Variants in ADAMTSL1 observed in about 807,000 individuals in gnomAD.
The protein encoded by ADAMTSL1 is ADAMTS like 1, also known as ADAMTS-like protein 1.
Under a neutral mutation model 201.8 loss-of-function variants are expected in ADAMTSL1, and 126 were observed. The observed-to-expected ratio is 0.62, with a 90% CI of 0.54 to 0.72. The LOEUF (loss-of-function observed/expected upper bound fraction) is 0.72. ADAMTSL1 is among the 30% of genes least tolerant of loss of function. The probability of loss-of-function intolerance (pLI) is 0.00; values close to 1 mark genes in which losing one functional copy is unlikely to be tolerated. For missense variants in ADAMTSL1, 2,679 were observed against 2,277.8 expected (o/e 1.18, Z -3.59); for synonymous variants, 1,121 against 903.4 (o/e 1.24, Z -4.32).
In ADAMTSL1 at chr9:18,217,864, T is replaced by TC. The variant is rs1320498473; in HGVS notation, c.207+53884dup. On this transcript the variant is annotated intron_variant, in intron 2 of 29. Coordinates refer to the ADAMTSL1 transcript ENST00000680146. ...GGCAGAGGAAAGTTGTTTTTTTTTT[T>TC]CTGTGCCTTGAGGCAATGTACGTGC... Among the ~76,000 whole-genome samples the TC allele has an allele frequency of 2.0e-5, 3 of 152,024 alleles. No individual in the cohort carries two copies. In the East Asian group the frequency reaches 5.8e-4, roughly 29 times the overall value.
rs2131496329 is a variant in ADAMTSL1, at chr9:17,990,069, A to G, written c.87+83147A>G. The stretch of plus-strand genomic sequence containing the variant: ...AAATGAAAAGCAGGATTATTTAAAT[A>G]AAACCTTTGTGGTAGGAGAAAATTG... On this transcript the variant is annotated intron_variant, in intron 1 of 29. Coordinates refer to the ADAMTSL1 transcript ENST00000680146. 1.3e-5 allele frequency among the ~76,000 whole-genome samples: 2 copies of G among 152,122 alleles called. 1 individual carries two copies. Among genetic ancestry groups the G allele is most frequent in the South Asian group, 4.1e-4 (2 of 4,826 alleles).
chr9:18,419,310 T>C (rs140203053), intron 2 of ADAMTSL1, among the ~76,000 whole-genome samples: 129 of 152,212 alleles, frequency 8.5e-4, no homozygotes, highest in African/African-American at 3.0e-3. Flanking sequence ...TAGACATGAC[T>C]CAAAAAAGCA....
chr9:18,754,749 A>G (rs1014438036), intron 16 of ADAMTSL1, among the ~76,000 whole-genome samples: 5 of 152,168 alleles, frequency 3.3e-5, no homozygotes, highest in Non-Finnish European at 7.3e-5. Flanking sequence ...AATAAGCAAA[A>G]CACTAAGTAT....
chr9:18,017,423 T>TC (rs1563951117), intron 1 of ADAMTSL1, among the ~76,000 whole-genome samples: 1 of 151,770 alleles, frequency 6.6e-6, no homozygotes, highest in Admixed American at 6.6e-5. Flanking sequence ...TGTTTTGTAA[T>TC]CCCCCCAAAT....
intron 1 of ADAMTSL1, among the ~76,000 whole-genome samples, chr9:18,083,675 C>T (rs908349427): frequency 6.6e-6 from 1 of 152,170 alleles, no homozygotes; most frequent in East Asian, 1.9e-4. Flanking sequence ...TTATGAGGAA[C>T]AATTTGCTGT....
intron 2 of ADAMTSL1, among the ~76,000 whole-genome samples, chr9:18,288,982 T>C (rs1833136711): frequency 6.6e-6 from 1 of 152,212 alleles, no homozygotes; most frequent in Admixed American, 6.5e-5. Context: ...TCAAAGTAAT[T>C]ATACCAGATG....
At chr9:18,382,259 A>C (rs1381712273) in intron 2 of ADAMTSL1, among the ~76,000 whole-genome samples, 1 of 152,196 alleles carries the variant, frequency 6.6e-6, no homozygotes, top group Non-Finnish European at 1.5e-5. Context: ...TTAAGTCTTT[A>C]GGATGTCAGT....
At chr9:18,688,689 A>AAAAAAAAT (rs1554730404) in intron 13 of ADAMTSL1, among the ~76,000 whole-genome samples, 3 of 8,652 alleles carry the variant, frequency 3.5e-4, no homozygotes, top group Non-Finnish European at 6.6e-4. Context: ...AAAAAAAAAA[A>AAAAAAAAT]ATATATATAT....
chr9:17,940,000 C>G (rs916604153), intron 1 of ADAMTSL1, among the ~76,000 whole-genome samples: 1 of 151,880 alleles, frequency 6.6e-6, no homozygotes, highest in Non-Finnish European at 1.5e-5. Flanking sequence ...AACAGCATTG[C>G]AGAGGCATGG....
chr9:18,082,155 G>A (rs1823525270), intron 1 of ADAMTSL1, among the ~76,000 whole-genome samples: 1 of 151,956 alleles, frequency 6.6e-6, no homozygotes, highest in African/African-American at 2.4e-5. Context: ...CATTTTTTTG[G>A]ACAGCAGGTT....
chr9:18,681,698 G>GTGTTGGGAGA, intron 11 of ADAMTSL1, 114 bp from the exon 12 acceptor site: 1 of 322,690 alleles, frequency 3.1e-6, no homozygotes, highest in Admixed American at 6.5e-5. Flanking sequence ...GTCCTCGTGT[G>GTGTTGGGAGA]GGGGGGGGGG....
intron 1 of ADAMTSL1, among the ~76,000 whole-genome samples, chr9:18,059,194 C>T (rs77238346): frequency 2.8e-4 from 42 of 152,274 alleles, no homozygotes; most frequent in Admixed American, 1.2e-3. Flanking sequence ...GCCCTCATCA[C>T]ATTGTCTCTC....
intron 2 of ADAMTSL1, among the ~76,000 whole-genome samples, chr9:18,352,165 G>A (rs1349936966): frequency 2.0e-5 from 3 of 152,100 alleles, no homozygotes; most frequent in South Asian, 2.1e-4. Flanking sequence ...TATCCTTAGT[G>A]CATCTTCAAA....
chr9:18,429,227 ACT>A (rs1256676814), intron 2 of ADAMTSL1, among the ~76,000 whole-genome samples: 1 of 152,132 alleles, frequency 6.6e-6, no homozygotes, highest in Non-Finnish European at 1.5e-5. Context: ...TGGAAACATT[ACT>A]CTCTACTTGG....
intron 1 of ADAMTSL1, among the ~76,000 whole-genome samples, chr9:17,994,405 A>G (rs1445542854): frequency 6.6e-6 from 1 of 152,186 alleles, no homozygotes; most frequent in Non-Finnish European, 1.5e-5. Context: ...ATAGTCATTT[A>G]AAGACACACT....
At chr9:18,346,240 AC>A (rs1835709177) in intron 2 of ADAMTSL1, among the ~76,000 whole-genome samples, 1 of 152,122 alleles carries the variant, frequency 6.6e-6, no homozygotes. Flanking sequence ...ATTTGTCATC[AC>A]TTTTGCCTAT....
intron 14 of ADAMTSL1, among the ~76,000 whole-genome samples, chr9:18,714,585 C>G (rs1228551956): frequency 7.0e-6 from 1 of 143,616 alleles, no homozygotes; most frequent in Non-Finnish European, 1.6e-5. Context: ...ATAACAGGAT[C>G]TGAAATTGTG....
intron 1 of ADAMTSL1, among the ~76,000 whole-genome samples, chr9:18,101,646 C>G (rs757800661): frequency 1.3e-5 from 2 of 152,146 alleles, no homozygotes; most frequent in African/African-American, 4.8e-5. Flanking sequence ...GAGGGTTACT[C>G]TGAATTTAGA....
intron 1 of ADAMTSL1, among the ~76,000 whole-genome samples, chr9:18,128,897 A>G (rs1480938314): frequency 6.6e-6 from 1 of 152,184 alleles, no homozygotes; most frequent in Non-Finnish European, 1.5e-5. Context: ...AAGAATATCA[A>G]GGTATAAAAT....
Sources: gnomAD v4.1 joint callset for allele counts (sites outside exome capture counted in the v4.1 genomes callset) on GRCh38, gnomAD v4.1.1 for gene constraint, MANE v1.5 for transcripts, NCBI Gene and HGNC (gene_info 2026-07-23, HGNC 2026-07-21) for gene names.